Variants in AFG2A observed in about 807,000 individuals in gnomAD.
The protein encoded by AFG2A is AAA ATPase AFG2A.
the AFG2A span, among the ~76,000 whole-genome samples, chr4:122,960,540 G>A: frequency 1.8e-4 from 27 of 152,274 alleles, no homozygotes; most frequent in East Asian, 4.0e-3. Context: ...TTTGCTTTGC[G>A]TCTCTAAGAA....
the AFG2A span, chr4:123,028,193 G>C: frequency 6.8e-6 from 11 of 1,613,240 alleles, no homozygotes; most frequent in Non-Finnish European, 9.3e-6. Context: ...CAGGTATCCT[G>C]GTCAGATATA....
At chr4:123,022,220 C>G in the AFG2A span, among the ~76,000 whole-genome samples, 1 of 151,396 alleles carries the variant, frequency 6.6e-6, no homozygotes, top group Non-Finnish European at 1.5e-5. Context: ...TTCTGCACAG[C>G]AAAAGAAACT....
chr4:123,250,809 T>C, the AFG2A span, among the ~76,000 whole-genome samples: 2 of 152,174 alleles, frequency 1.3e-5, no homozygotes, highest in Non-Finnish European at 2.9e-5. Flanking sequence ...TCTTTTTTCA[T>C]TGAGTTGTCA....
chr4:123,131,025 G>A, the AFG2A span, among the ~76,000 whole-genome samples: 2 of 151,646 alleles, frequency 1.3e-5, no homozygotes, highest in African/African-American at 4.8e-5. Flanking sequence ...GCAATATCAG[G>A]CATCTCTTCA....
At chr4:123,271,186 A>G in the AFG2A span, among the ~76,000 whole-genome samples, 1 of 152,226 alleles carries the variant, frequency 6.6e-6, no homozygotes, top group Admixed American at 6.5e-5. Context: ...TTACTTAGAT[A>G]TTCTCAGGGA....
the AFG2A span, among the ~76,000 whole-genome samples, chr4:123,180,139 G>A: frequency 6.6e-6 from 1 of 152,066 alleles, no homozygotes; most frequent in Non-Finnish European, 1.5e-5. Context: ...AGAATCGCTC[G>A]AACCCAGGAG....
chr4:123,149,798 C>CTTTT, the AFG2A span, among the ~76,000 whole-genome samples: 2 of 121,610 alleles, frequency 1.6e-5, no homozygotes, highest in African/African-American at 8.2e-5. Flanking sequence ...TAGGAAATAG[C>CTTTT]TTTTTTTTTT....
chr4:123,079,055 G>A, the AFG2A span, among the ~76,000 whole-genome samples: 1,716 of 152,170 alleles, frequency 0.011, 12 homozygotes, highest in Middle Eastern at 0.078. Flanking sequence ...AGGAATGAGG[G>A]GTTCTCTTTC....
At chr4:122,949,580 A>T in the AFG2A span, among the ~76,000 whole-genome samples, 1 of 152,154 alleles carries the variant, frequency 6.6e-6, no homozygotes, top group Non-Finnish European at 1.5e-5. Context: ...GCGGCACACC[A>T]TCTATGGGCA....
chr4:123,007,566 ATATGTGTGTGTGTGTGTGTGTGTGTGTG>A, the AFG2A span, among the ~76,000 whole-genome samples: 1 of 40,182 alleles, frequency 2.5e-5, no homozygotes, highest in Non-Finnish European at 5.6e-5. Context: ...GTGTGTGTGT[ATATGTGTGTGTGTGTGTGTGTGTGTGTG>A]TGTGTGTGTG....
At chr4:122,923,109 T>TA in the AFG2A span, 5 of 1,612,688 alleles carry the variant, frequency 3.1e-6, no homozygotes, top group Non-Finnish European at 4.2e-6. Context: ...TTGAGTCGGC[T>TA]TTTCTACTGC....
the AFG2A span, among the ~76,000 whole-genome samples, chr4:123,239,540 A>C: frequency 6.6e-6 from 1 of 152,174 alleles, no homozygotes; most frequent in Admixed American, 6.5e-5. Context: ...AACATTCTTA[A>C]AAGAATTTTC....
At chr4:123,079,602 A>G in the AFG2A span, among the ~76,000 whole-genome samples, 1 of 152,024 alleles carries the variant, frequency 6.6e-6, no homozygotes, top group Non-Finnish European at 1.5e-5. Context: ...TAGTCAGGTT[A>G]ACATTTTTTT....
the AFG2A span, among the ~76,000 whole-genome samples, chr4:123,200,997 G>T: frequency 7.2e-5 from 11 of 152,184 alleles, no homozygotes; most frequent in Non-Finnish European, 1.5e-4. Context: ...CACAAGGAAA[G>T]AACAGTGAAT....
chr4:123,194,540 A>G, the AFG2A span, among the ~76,000 whole-genome samples: 61 of 152,128 alleles, frequency 4.0e-4, no homozygotes, highest in Non-Finnish European at 7.6e-4. Context: ...TAAAAAACGT[A>G]TTTTCTCTGT....
the AFG2A span, among the ~76,000 whole-genome samples, chr4:123,095,051 A>ATATATATG: frequency 0.027 from 1,492 of 54,544 alleles, 18 homozygotes; most frequent in Non-Finnish European, 0.044. Context: ...AAATATATAT[A>ATATATATG]TATATATATA....
chr4:123,262,275 T>C, the AFG2A span, among the ~76,000 whole-genome samples: 23 of 152,362 alleles, frequency 1.5e-4, no homozygotes, highest in African/African-American at 5.1e-4. Flanking sequence ...AGTTTTAACA[T>C]TTGCTGAAGT....
At chr4:123,141,860 T>C in the AFG2A span, among the ~76,000 whole-genome samples, 4 of 152,170 alleles carry the variant, frequency 2.6e-5, no homozygotes, top group African/African-American at 9.7e-5. Context: ...ATTCTGTGGG[T>C]TGCCTTTTTA....
chr4:123,026,105 A>ATGTGTG, the AFG2A span, among the ~76,000 whole-genome samples: 10 of 149,130 alleles, frequency 6.7e-5, no homozygotes, highest in African/African-American at 1.5e-4. Flanking sequence ...GTGTATGTGT[A>ATGTGTG]TGTGTGTGTG....
Sources: gnomAD v4.1 joint callset for allele counts (sites outside exome capture counted in the v4.1 genomes callset) on GRCh38, gnomAD v4.1.1 for gene constraint, MANE v1.5 for transcripts, NCBI Gene and HGNC (gene_info 2026-07-23, HGNC 2026-07-21) for gene names.